HPSE2: variants seen among roughly 807,000 people sequenced by gnomAD.
HPSE2 encodes heparanase 2 (inactive).
A neutral mutation model predicts 60.5 loss-of-function variants in HPSE2; 38 were observed. That is an observed-to-expected ratio of 0.63 (90% confidence interval 0.48 to 0.82). The LOEUF is 0.82. HPSE2 is among the 40% of genes least tolerant of loss of function. The pLI is 0.00. For missense variants in HPSE2, 713 were observed against 740.4 expected (o/e 0.96, Z 0.43); for synonymous variants, 295 against 293.2 (o/e 1.01, Z -0.06).
rs189386666 is a variant in HPSE2, at chr10:99,178,209, C to T, written c.449-33810G>A. Among the ~76,000 whole-genome samples the T allele has an allele frequency of 2.8e-3, 419 of 151,430 alleles. 1 individual carries two copies. Among genetic ancestry groups the T allele is most frequent in the African/African-American group, 9.3e-3 (383 of 41,260 alleles). ...CACTGTAACATCACAATTAAAAGAACTAGAGAAACAACAGCAAACAAATTG... is the reference window on the plus strand; with the variant it reads ...CACTGTAACATCACAATTAAAAGAATTAGAGAAACAACAGCAAACAAATTG... On this transcript the variant is annotated intron_variant, in intron 2 of 11. Transcript: ENST00000370552.
At chr10:98,807,323 A>G (rs571248255) in intron 3 of HPSE2, among the ~76,000 whole-genome samples, 3 of 152,294 alleles carry the variant, frequency 2.0e-5, no homozygotes, top group South Asian at 4.1e-4. Flanking sequence ...TGTGTCTGCT[A>G]GTCTTAAACT....
chr10:98,804,242 C>T (rs1950988098), intron 3 of HPSE2, among the ~76,000 whole-genome samples: 1 of 151,596 alleles, frequency 6.6e-6, no homozygotes, highest in Non-Finnish European at 1.5e-5. Context: ...TAAGCAATAC[C>T]CCGCAAGCAC....
At chr10:99,083,255 T>G (rs2135578414) in intron 3 of HPSE2, among the ~76,000 whole-genome samples, 1 of 152,334 alleles carries the variant, frequency 6.6e-6, no homozygotes, top group African/African-American at 2.4e-5. Flanking sequence ...AATTCATGTC[T>G]GAAGGGATGT....
intron 3 of HPSE2, among the ~76,000 whole-genome samples, chr10:98,854,083 T>C (rs948045048): frequency 6.6e-6 from 1 of 152,160 alleles, no homozygotes; most frequent in African/African-American, 2.4e-5. Context: ...TCCATTACTC[T>C]GGGAAAAGAA....
At chr10:98,507,526 G>A (rs1932793) in intron 9 of HPSE2, among the ~76,000 whole-genome samples, 122,803 of 152,056 alleles carry the variant, frequency 0.81, 52,693 homozygotes, top group East Asian at 0.96. Context: ...TAAGTTGGCT[G>A]ATAGTGGGTT....
chr10:98,917,727 T>C (rs1954160891), intron 3 of HPSE2, among the ~76,000 whole-genome samples: 1 of 152,160 alleles, frequency 6.6e-6, no homozygotes, highest in African/African-American at 2.4e-5. Context: ...GAACGATGAA[T>C]GAATAAATAG....
At chr10:98,656,435 T>C (rs370665492) in intron 6 of HPSE2, among the ~76,000 whole-genome samples, 16 of 152,326 alleles carry the variant, frequency 1.1e-4, no homozygotes, top group African/African-American at 3.6e-4. Flanking sequence ...GATAAATCAT[T>C]GCTGTTTTGC....
chr10:99,251,484 A>G, the HPSE2 span, among the ~76,000 whole-genome samples: 1 of 152,270 alleles, frequency 6.6e-6, no homozygotes, highest in Admixed American at 6.5e-5. Flanking sequence ...CTCCTCCCTA[A>G]TTCTATGGAG....
At chr10:98,986,720 G>A (rs1197788240) in intron 3 of HPSE2, among the ~76,000 whole-genome samples, 2 of 150,574 alleles carry the variant, frequency 1.3e-5, no homozygotes, top group African/African-American at 2.4e-5. Context: ...TTTTTGAAAA[G>A]ATCAACAAAA....
intron 4 of HPSE2, among the ~76,000 whole-genome samples, chr10:98,725,413 T>G (rs537985287): frequency 6.6e-6 from 1 of 152,304 alleles, no homozygotes; most frequent in East Asian, 1.9e-4. Context: ...TAATAAATGG[T>G]GCTGGGAAAA....
chr10:98,658,434 G>A (rs1589589100), intron 6 of HPSE2, among the ~76,000 whole-genome samples: 1 of 152,292 alleles, frequency 6.6e-6, no homozygotes, highest in Middle Eastern at 3.4e-3. Flanking sequence ...CATAAAGCAT[G>A]TTGTTAGGCC....
intron 3 of HPSE2, among the ~76,000 whole-genome samples, chr10:98,846,016 T>A (rs1391419834): frequency 5.9e-5 from 9 of 152,206 alleles, no homozygotes; most frequent in Non-Finnish European, 1.3e-4. Flanking sequence ...GGTGTGGGAT[T>A]TCTGTTTCCT....
intron 3 of HPSE2, among the ~76,000 whole-genome samples, chr10:99,010,172 C>CT (rs1564734353): frequency 6.6e-6 from 1 of 152,168 alleles, no homozygotes; most frequent in Non-Finnish European, 1.5e-5. Flanking sequence ...TCAAATGAAA[C>CT]TTGTAGCAAT....
At chr10:98,613,688 G>A (rs531362953) in intron 9 of HPSE2, among the ~76,000 whole-genome samples, 9 of 152,342 alleles carry the variant, frequency 5.9e-5, no homozygotes, top group Admixed American at 2.6e-4. Context: ...TGTAGAAAGA[G>A]CACTGAACCA....
chr10:98,805,790 C>G (rs756020331), intron 3 of HPSE2, among the ~76,000 whole-genome samples: 44 of 152,090 alleles, frequency 2.9e-4, no homozygotes, highest in Non-Finnish European at 5.4e-4. Flanking sequence ...AATTTAGACA[C>G]CCAGTGGCAA....
At chr10:98,547,432 T>C (rs1362198975) in intron 9 of HPSE2, among the ~76,000 whole-genome samples, 2 of 150,714 alleles carry the variant, frequency 1.3e-5, no homozygotes, top group Non-Finnish European at 1.5e-5. Context: ...TAGATTGGAC[T>C]AAGAAAATGT....
intron 11 of HPSE2, among the ~76,000 whole-genome samples, chr10:98,463,574 G>A (rs1940398686): frequency 6.6e-6 from 1 of 152,180 alleles, no homozygotes; most frequent in South Asian, 2.1e-4. Flanking sequence ...GGCTGAGGCA[G>A]GAGGATCACT....
At chr10:99,285,501 A>AGGGAGGG in the HPSE2 span, among the ~76,000 whole-genome samples, 2 of 113,920 alleles carry the variant, frequency 1.8e-5, no homozygotes, top group Non-Finnish European at 3.6e-5. Context: ...GGAGGGAGGG[A>AGGGAGGG]AAGGAAAGGG....
the HPSE2 span, among the ~76,000 whole-genome samples, chr10:99,305,961 A>ATACGTGCGTG: frequency 1.9e-5 from 2 of 103,062 alleles, no homozygotes; most frequent in African/African-American, 8.7e-5. Flanking sequence ...ACTCACACAC[A>ATACGTGCGTG]CGCGCGCGCG....
Sources: gnomAD v4.1 joint callset for allele counts (sites outside exome capture counted in the v4.1 genomes callset) on GRCh38, gnomAD v4.1.1 for gene constraint, MANE v1.5 for transcripts, NCBI Gene and HGNC (gene_info 2026-07-23, HGNC 2026-07-21) for gene names.